The following LSM12 variants were observed in gnomAD, a reference collection of about 807,000 sequenced individuals.
The protein encoded by LSM12 is protein LSM12.
For missense variants in LSM12, 108 were observed against 238.9 expected (o/e 0.45, Z 3.61); for synonymous variants, 74 against 87.3 (o/e 0.85, Z 0.85).
intron 2 of LSM12, among the ~76,000 whole-genome samples, chr17:44,042,086 A>C (rs2049502732): frequency 6.6e-6 from 1 of 152,184 alleles, no homozygotes; most frequent in Non-Finnish European, 1.5e-5. Flanking sequence ...CAGGAGTTTG[A>C]GACCAACCTG....
intron 2 of LSM12, among the ~76,000 whole-genome samples, chr17:44,055,500 A>C (rs1567960752): frequency 7.3e-6 from 1 of 136,270 alleles, no homozygotes; most frequent in Non-Finnish European, 1.5e-5. Context: ...CGTCTCTACC[A>C]AAAATACAAA....
intron 2 of LSM12, among the ~76,000 whole-genome samples, chr17:44,055,964 C>T (rs1482505301): frequency 6.6e-6 from 1 of 151,616 alleles, no homozygotes; most frequent in Admixed American, 6.6e-5. Context: ...CTCAATGTGA[C>T]ATGATACCTA....
chr17:44,057,504 G>A (rs572947112), intron 2 of LSM12, among the ~76,000 whole-genome samples: 6 of 151,394 alleles, frequency 4.0e-5, no homozygotes, highest in African/African-American at 1.5e-4. Context: ...GCTCACGCCT[G>A]TAATCCCAGC....
At chr17:44,042,057 C>T (rs12452438) in intron 2 of LSM12, among the ~76,000 whole-genome samples, 136,653 of 152,188 alleles carry the variant, frequency 0.9, 61,584 homozygotes, top group East Asian at 1. Flanking sequence ...GAGGCCGAGG[C>T]AGGCGGATCA....
intron 2 of LSM12, among the ~76,000 whole-genome samples, chr17:44,058,529 C>A (rs892414342): frequency 2.0e-5 from 3 of 151,760 alleles, no homozygotes; most frequent in African/African-American, 7.3e-5. Context: ...CAGTAAGACC[C>A]TGTCTCTACA....
chr17:44,044,471 G>A (rs959328172), intron 2 of LSM12, among the ~76,000 whole-genome samples: 2 of 151,982 alleles, frequency 1.3e-5, no homozygotes, highest in Admixed American at 1.3e-4. Context: ...AATGATGTAA[G>A]GGAGCACTTA....
intron 2 of LSM12, among the ~76,000 whole-genome samples, chr17:44,043,706 C>T (rs1375675864): frequency 3.3e-5 from 5 of 151,584 alleles, no homozygotes; most frequent in African/African-American, 4.9e-5. Context: ...CTGTGGCTCA[C>T]GCCTGTAATC....
chr17:44,063,719 A>C, intron 2 of LSM12, 82 bp downstream of exon 2: 10 of 1,377,632 alleles, frequency 7.3e-6, no homozygotes, highest in Non-Finnish European at 9.6e-6. Flanking sequence ...AATAAAAAAT[A>C]GACAACAATG....
intron 2 of LSM12, among the ~76,000 whole-genome samples, chr17:44,057,196 C>G (rs575046739): frequency 1.4e-5 from 2 of 145,664 alleles, no homozygotes; most frequent in Non-Finnish European, 3.0e-5. Context: ...GTCTCCCAGG[C>G]TGGAGTGCAG....
At chr17:44,036,358 A>G (rs1346057708) in intron 4 of LSM12, 58 bp from the exon 5 acceptor site, 2 of 1,607,684 alleles carry the variant, frequency 1.2e-6, no homozygotes, top group Non-Finnish European at 1.7e-6. Flanking sequence ...AGGTCTCCCA[A>G]ACAATCCAAC....
intron 2 of LSM12, among the ~76,000 whole-genome samples, chr17:44,040,937 C>T (rs1197916217): frequency 1.3e-5 from 2 of 151,584 alleles, no homozygotes; most frequent in Admixed American, 6.6e-5. Context: ...GCTGAGATCG[C>T]GCCACTGCAC....
chr17:44,067,062 GGCC>G (rs567985273), upstream of LSM12, among the ~76,000 whole-genome samples: 370 of 152,332 alleles, frequency 2.4e-3, 1 homozygote, highest in Admixed American at 5.2e-3. Flanking sequence ...CACTTTGGGA[GGCC>G]GAGGCGGGTG....
chr17:44,066,803 G>A (rs2049887207), upstream of LSM12: 1 of 469,370 alleles, frequency 2.1e-6, no homozygotes, highest in African/African-American at 2.1e-5. Flanking sequence ...GCGTCCGCTC[G>A]GTTAAGTGCT....
chr17:44,045,277 C>T (rs1303267154), intron 2 of LSM12, among the ~76,000 whole-genome samples: 2 of 152,148 alleles, frequency 1.3e-5, no homozygotes, highest in African/African-American at 4.8e-5. Flanking sequence ...CTGCCCGCCT[C>T]AGCCTCCCAA....
chr17:44,042,049 G>A (rs1231678917), intron 2 of LSM12, among the ~76,000 whole-genome samples: 2 of 152,178 alleles, frequency 1.3e-5, no homozygotes, highest in Non-Finnish European at 2.9e-5. Context: ...TACTTTGTGA[G>A]GCCGAGGCAG....
At chr17:44,046,294 T>A (rs1303159321) in intron 2 of LSM12, among the ~76,000 whole-genome samples, 1 of 152,140 alleles carries the variant, frequency 6.6e-6, no homozygotes, top group African/African-American at 2.4e-5. Context: ...AGTCTCTGTG[T>A]GTGGACATGT....
At chr17:44,051,550 C>G (rs2049644642) in intron 2 of LSM12, among the ~76,000 whole-genome samples, 1 of 151,856 alleles carries the variant, frequency 6.6e-6, no homozygotes, top group Non-Finnish European at 1.5e-5. Flanking sequence ...AAGACCCTAT[C>G]TCGGGGAGGG....
intron 2 of LSM12, 114 bp downstream of exon 2, chr17:44,063,687 C>G (rs992922712): frequency 8.2e-7 from 1 of 1,216,756 alleles, no homozygotes; most frequent in Non-Finnish European, 1.1e-6. Flanking sequence ...TCAGAACAAA[C>G]AATTTTAAGT....
intron 2 of LSM12, among the ~76,000 whole-genome samples, chr17:44,041,465 T>C (rs1183291333): frequency 6.6e-6 from 1 of 152,098 alleles, no homozygotes; most frequent in Non-Finnish European, 1.5e-5. Flanking sequence ...CTCTAAAAAC[T>C]CTTACAGAAC....
Sources: allele counts gnomAD v4.1 joint callset (sites outside exome capture counted in the v4.1 genomes callset), GRCh38; gene constraint gnomAD v4.1.1; transcripts MANE v1.5; gene names NCBI Gene and HGNC (gene_info 2026-07-23, HGNC 2026-07-21).